Variants in NCOR1 observed in about 807,000 individuals in gnomAD.
The protein encoded by NCOR1 is nuclear receptor corepressor 1, also known as protein phosphatase 1, regulatory subunit 109.
A neutral mutation model predicts 288.1 loss-of-function variants in NCOR1; 63 were observed. The observed-to-expected ratio is 0.22, with a 90% confidence interval of 0.18 to 0.27. The LOEUF (loss-of-function observed/expected upper bound fraction) is 0.27, where lower values mean the gene tolerates loss of function less well. Among genes scored for constraint, NCOR1 ranks in the 10% least tolerant of loss-of-function variants. The probability of loss-of-function intolerance (pLI) is 1.00; values close to 1 mark genes in which losing one functional copy is unlikely to be tolerated. For synonymous variants in NCOR1, 1,007 were observed against 1,065.9 expected (o/e 0.94, Z 1.08); for missense variants, 2,397 against 3,019.2 (o/e 0.79, Z 4.83).
At chr17:16,151,094 A>G (rs946556275) in intron 8 of NCOR1, among the ~76,000 whole-genome samples, 2 of 151,684 alleles carry the variant, frequency 1.3e-5, no homozygotes, top group Non-Finnish European at 2.9e-5. Context: ...TAACCATACT[A>G]GTAAATAATT....
chr17:16,167,832 C>G (rs2082305484), intron 4 of NCOR1, among the ~76,000 whole-genome samples: 1 of 122,944 alleles, frequency 8.1e-6, no homozygotes, highest in Non-Finnish European at 1.7e-5. Context: ...TGCACTCCAA[C>G]CTGGGTGATA....
chr17:16,162,451 G>T (rs2081052032), intron 5 of NCOR1, among the ~76,000 whole-genome samples: 1 of 150,710 alleles, frequency 6.6e-6, no homozygotes, highest in Non-Finnish European at 1.5e-5. Context: ...ATATCAGGTT[G>T]GACAGATTTA....
intron 20 of NCOR1, among the ~76,000 whole-genome samples, chr17:16,099,544 C>T (rs2067233292): frequency 6.6e-6 from 1 of 152,156 alleles, no homozygotes; most frequent in Admixed American, 6.5e-5. Flanking sequence ...AATTTCAAAA[C>T]TACTATCATG....
At chr17:16,103,967 G>C (rs1374568754) in intron 19 of NCOR1, among the ~76,000 whole-genome samples, 1 of 152,246 alleles carries the variant, frequency 6.6e-6, no homozygotes, top group Non-Finnish European at 1.5e-5. Flanking sequence ...CCGAGATCAT[G>C]CCAGCCTGGG....
At chr17:16,152,357 A>C (rs891213310) in intron 7 of NCOR1, among the ~76,000 whole-genome samples, 1 of 151,856 alleles carries the variant, frequency 6.6e-6, no homozygotes, top group African/African-American at 2.4e-5. Flanking sequence ...CCTGTGTCCA[A>C]GTGTTCTCAT....
chr17:16,057,696 C>A lies in NCOR1; in HGVS notation c.6210G>T (p.Ser2070=). The change falls in exon 40 of 46, where the codon TCG becomes TCT. Residue 2070 remains serine (S), a synonymous_variant. Coordinates refer to ENST00000268712, the MANE Select transcript of NCOR1 (RefSeq NM_006311.4). ...TQDFARNQVS[S]QTPQQPPTST... ...AAGTAGGAGGCTGCTGGGGAGTCTG[C>A]GAGGAAACTTGATTTCTAGCAAAAT... is the stretch of plus-strand genomic sequence containing the variant. 1 of 1,613,462 alleles carries A rather than the reference C, an allele frequency of 6.2e-7. No individual in the cohort carries two copies. The highest frequency in any genetic ancestry group is 8.5e-7 in the Non-Finnish European group (1 of 1,179,884).
At chr17:16,161,992 G>GAAAGA (rs1400651061) in intron 5 of NCOR1, among the ~76,000 whole-genome samples, 1 of 151,722 alleles carries the variant, frequency 6.6e-6, no homozygotes, top group Non-Finnish European at 1.5e-5. Context: ...AAAGACAAAA[G>GAAAGA]AAAGAAAAGA....
chr17:16,067,929 T>G lies in NCOR1; in HGVS notation c.4706A>C (p.Asp1569Ala). 6.2e-7 allele frequency: 1 copy of G among 1,614,154 alleles called. No homozygotes were observed. The highest frequency in any genetic ancestry group is 8.5e-7 in the Non-Finnish European group (1 of 1,180,008). Reference protein sequence around the residue: ...VYRSHLPTHLDPAMPFHRALD... With the variant: ...VYRSHLPTHLAPAMPFHRALD... ...AGCCCTGTGAAAAGGCATGGCTGGA[T>G]CCAAGTGCGTGGGCAGGTGGCTCCG... is the stretch of plus-strand genomic sequence containing the variant. Residue 1569 changes from aspartate to alanine, a missense_variant, in exon 32 of 46, where the codon GAT becomes GCT. This residue lies in a region of NCOR1 where 1,872 missense variants were observed against 2,187.8 expected (regional missense o/e 0.86). Transcript: ENST00000268712.
intron 45 of NCOR1, 47 bp from the exon 46 acceptor site, chr17:16,032,530 A>G: frequency 6.7e-7 from 1 of 1,502,966 alleles, no homozygotes; most frequent in African/African-American, 1.4e-5. Flanking sequence ...CATAACTGGT[A>G]TTTCATCCAA....
Position 16,126,166 on chromosome 17 carries a change from T to C in NCOR1, c.1550A>G (p.Lys517Arg). 6.4e-7 allele frequency: 1 copy of C among 1,564,898 alleles called. No individual in the cohort carries two copies. The highest frequency in any genetic ancestry group is 1.4e-5 in the African/African-American group (1 of 72,368). Residue 517 changes from lysine to arginine, a missense_variant, in exon 15 of 46, where the codon AAA becomes AGA. Transcript: ENST00000268712. ...RPSQEEKVEE[K>R]EEDKAEKTEK... is the part of the protein sequence containing the mutation. ...TGTTTTTTCTGCTTTATCCTCTTCTTTTTCTTCTACTTTTTCTTCTTGCGA... is the reference window on the plus strand; with the variant it reads ...TGTTTTTTCTGCTTTATCCTCTTCTCTTTCTTCTACTTTTTCTTCTTGCGA...
intron 22 of NCOR1, among the ~76,000 whole-genome samples, chr17:16,091,088 AAAAGT>A (rs1432206499): frequency 1.3e-5 from 2 of 152,212 alleles, no homozygotes; most frequent in African/African-American, 4.8e-5. Context: ...TAAAGAAAGT[AAAAGT>A]GTATCACACA....
intron 9 of NCOR1, among the ~76,000 whole-genome samples, chr17:16,147,305 A>G (rs1054939217): frequency 2.0e-5 from 3 of 151,656 alleles, no homozygotes; most frequent in Non-Finnish European, 4.4e-5. Context: ...GCTACTTGGG[A>G]GGCTGAGGCG....
chr17:16,100,432 G>A (rs565393852), intron 20 of NCOR1, among the ~76,000 whole-genome samples: 2 of 152,286 alleles, frequency 1.3e-5, no homozygotes, highest in South Asian at 4.1e-4. Context: ...CCTGAGGTCA[G>A]GAGTTTGAGA....
At chr17:16,070,769 C>T (rs569591004) in intron 30 of NCOR1, among the ~76,000 whole-genome samples, 1 of 152,202 alleles carries the variant, frequency 6.6e-6, no homozygotes, top group Non-Finnish European at 1.5e-5. Context: ...GTGGTTCACA[C>T]CTGTAATCCC....
At chr17:16,159,990 C>T (rs143637824) in intron 5 of NCOR1, among the ~76,000 whole-genome samples, 5 of 151,978 alleles carry the variant, frequency 3.3e-5, no homozygotes, top group East Asian at 1.9e-4. Context: ...CCACCATGCC[C>T]GGCTAATTTC....
At chr17:16,062,466 A>AGTT (rs2060646809) in intron 35 of NCOR1, among the ~76,000 whole-genome samples, 196 bp from the exon 36 acceptor site, 1 of 152,202 alleles carries the variant, frequency 6.6e-6, no homozygotes, top group African/African-American at 2.4e-5. Flanking sequence ...ATGCAATAAA[A>AGTT]CCGCAGCAGT....
Position 16,038,435 on chromosome 17 carries a change from C to CT in NCOR1, c.6955+997dup, listed in dbSNP as rs34997322. Among the ~76,000 whole-genome samples the CT allele has an allele frequency of 6.9e-4, 103 of 149,422 alleles. 1 individual carries two copies. The highest frequency in any genetic ancestry group is 5.5e-3 in the South Asian group (26 of 4,702). On this transcript the variant is annotated intron_variant, in intron 44 of 45. Transcript: ENST00000268712. Reference sequence around the variant, plus strand: ...TTCTTTTTCTTCCCTTTTTCCTACTCTTTTTTTTTTTCCTTTTTTGAGACA... The same window carrying CT: ...TTCTTTTTCTTCCCTTTTTCCTACTCTTTTTTTTTTTTCCTTTTTTGAGACA...
intron 1 of NCOR1, among the ~76,000 whole-genome samples, chr17:16,196,257 G>A (rs1037526194): frequency 3.3e-5 from 5 of 151,550 alleles, no homozygotes; most frequent in African/African-American, 7.3e-5. Flanking sequence ...GGGCAAATTC[G>A]AAAAATAATT....
At chr17:16,128,526 T>C (rs779489753) in intron 14 of NCOR1, among the ~76,000 whole-genome samples, 13 of 152,228 alleles carry the variant, frequency 8.5e-5, no homozygotes, top group African/African-American at 1.2e-4. Context: ...GGAGAGTGTC[T>C]GGACCATGAT....
Sources: gnomAD v4.1 joint callset for allele counts (sites outside exome capture counted in the v4.1 genomes callset) on GRCh38, gnomAD v4.1.1 for gene constraint, gnomAD v4.1.1 regional missense constraint, MANE v1.5 for transcripts, NCBI Gene and HGNC (gene_info 2026-07-23, HGNC 2026-07-21) for gene names.